The following GSN variants were observed in gnomAD, a reference collection of about 807,000 sequenced individuals.
GSN encodes gelsolin, also known as actin-depolymerizing factor.
A neutral mutation model predicts 85.7 loss-of-function variants in GSN; 56 were observed. That is an observed-to-expected ratio of 0.65 (90% confidence interval 0.53 to 0.82). GSN has a LOEUF of 0.82. Among genes scored for constraint, GSN ranks in the 40% least tolerant of loss-of-function variants. The pLI is 0.00. For synonymous variants in GSN, 373 were observed against 399.1 expected, an observed-to-expected ratio of 0.93 and a Z score of 0.78; for missense variants, 857 against 979.8, an observed-to-expected ratio of 0.87 and a Z score of 1.67.
At chr9:121,249,850 G>A (rs145419561) in intron 6 of GSN, among the ~76,000 whole-genome samples, 1 of 152,300 alleles carries the variant, frequency 6.6e-6, no homozygotes, top group Non-Finnish European at 1.5e-5. Flanking sequence ...AATGGCTGCT[G>A]CTTTCTTGAA....
intron 5 of GSN, among the ~76,000 whole-genome samples, chr9:121,232,645 T>C (rs1382076011): frequency 6.6e-6 from 1 of 152,248 alleles, no homozygotes; most frequent in Non-Finnish European, 1.5e-5. Context: ...AGATGTAATA[T>C]TGTACAGCAG....
rs551464968 is a variant in GSN, at chr9:121,215,339, T to A, written c.-528+4472T>A. On this transcript the variant is annotated intron_variant, in intron 4 of 24. Coordinates refer to the GSN transcript ENST00000373823. ...GGGGTTAGAATTTCAACATATCATT[T>A]TTTTTTCTTTTTGTGGGGCGACACA... 1.4e-4 allele frequency among the ~76,000 whole-genome samples: 21 copies of A among 152,182 alleles called. No homozygotes were observed. In the South Asian group the frequency reaches 4.1e-3, roughly 30 times the overall value.
Position 121,326,565 on chromosome 9 carries a change from G to A in GSN, c.1470G>A (p.Gly490=). Residue 490 remains glycine (G), a synonymous_variant, in exon 13 of 18, where the codon GGG becomes GGA. Transcript: ENST00000432226. Reference sequence around the variant, plus strand: ...CCCACCTCATGAGCCTGTTTGGTGGGAAGCCCATGATCATCTACAAGGGCG... The same window carrying A: ...CCCACCTCATGAGCCTGTTTGGTGGAAAGCCCATGATCATCTACAAGGGCG... ...EPAHLMSLFG[G]KPMIIYKGGT... is the part of the protein sequence containing the mutation. 5.0e-6 allele frequency: 8 copies of A among 1,613,896 alleles called. No individual in the cohort carries two copies. Among genetic ancestry groups the A allele is most frequent in the African/African-American group, 1.3e-5 (1 of 74,928 alleles).
chr9:121,312,581 A>G, intron 6 of GSN, 93 bp downstream of exon 6: 1 of 1,009,146 alleles, frequency 9.9e-7, no homozygotes, highest in Non-Finnish European at 1.4e-6. Flanking sequence ...ATTTGAGGAA[A>G]AAAAAAAACT....
chr9:121,299,741 C>T lies in GSN; in HGVS notation c.-9-2222C>T, dbSNP rs1588922111. ...GATGTCTCCAAGATCCGAGACAGAT[C>T]CCCGCCCCGCGCCCTCCCTGGGGGG... is the stretch of plus-strand genomic sequence containing the variant. On this transcript the variant is annotated intron_variant, in intron 2 of 17. Coordinates refer to ENST00000432226, the MANE Select transcript of GSN (RefSeq NM_198252.3). This position sits in a 1 kb window ranked among gnomAD's most constrained non-coding sequence, Gnocchi z 4.2. The T allele has an allele frequency of 9.0e-7, 1 of 1,105,698 alleles. No individual in the cohort carries two copies. Among genetic ancestry groups the T allele is most frequent in the Non-Finnish European group, 1.1e-6 (1 of 885,418 alleles). The allele number at this position is 1,105,698 out of a possible 1,614,324, so 68.5% of individuals were successfully genotyped here.
rs150365636 is a variant in GSN, at chr9:121,320,199, C to T, written c.1192-1069C>T. ...AGGATTCTGTTTCCCAGGACTTGGA[C>T]GACTCCGTGTCTCCATAGCTCCACC... On this transcript the variant is annotated intron_variant, in intron 10 of 17. Transcript: ENST00000432226. Among the ~76,000 whole-genome samples, 4 of 152,302 alleles carry T rather than the reference C, an allele frequency of 2.6e-5. No individual in the cohort carries two copies. The East Asian group carries it at 7.7e-4, about 29-fold the overall frequency.
At chr9:121,311,912 A>G in intron 5 of GSN, 1 of 210,410 alleles carries the variant, frequency 4.8e-6, no homozygotes, top group Non-Finnish European at 9.7e-6. Flanking sequence ...TACTCTGAAC[A>G]TTCTTGCACA....
intron 2 of GSN, among the ~76,000 whole-genome samples, chr9:121,290,036 G>C (rs1191021332): frequency 6.6e-6 from 1 of 152,042 alleles, no homozygotes; most frequent in Non-Finnish European, 1.5e-5. Flanking sequence ...GGTGAGAAGT[G>C]GGTATAAAGT....
intron 4 of GSN, among the ~76,000 whole-genome samples, chr9:121,223,949 G>A (rs555969175): frequency 7.2e-5 from 11 of 151,730 alleles, no homozygotes; most frequent in Non-Finnish European, 7.4e-5. Context: ...ATGACCAACC[G>A]TGCCCAGCCT....
rs1366088542 is a variant in GSN, at chr9:121,317,073, T to C, written c.754-13T>C. The C allele has an allele frequency of 1.2e-6, 2 of 1,614,014 alleles. No homozygotes were observed. The highest frequency in any genetic ancestry group is 1.7e-5 in the Admixed American group (1 of 60,008). On this transcript the variant is annotated splice_polypyrimidine_tract_variant and intron_variant, in intron 7 of 17. Transcript: ENST00000432226. ...ACACTCATGTGCTGGTTCCTTCTGC[T>C]TCGTCCCCTCAGGTCTCCAATGGTG...
At chr9:121,224,211 C>G (rs2054228528) in intron 4 of GSN, among the ~76,000 whole-genome samples, 1 of 152,070 alleles carries the variant, frequency 6.6e-6, no homozygotes, top group African/African-American at 2.4e-5. Flanking sequence ...ATTCTCCTGC[C>G]TCAGCCTCCC....
chr9:121,306,076 C>A (rs2060385313), intron 4 of GSN, among the ~76,000 whole-genome samples: 1 of 152,142 alleles, frequency 6.6e-6, no homozygotes, highest in Non-Finnish European at 1.5e-5. Flanking sequence ...TCCCTTGATT[C>A]CCCGCCCCTC....
At chr9:121,330,884 C>T (rs906125861) in intron 16 of GSN, among the ~76,000 whole-genome samples, 3 of 152,044 alleles carry the variant, frequency 2.0e-5, no homozygotes, top group Non-Finnish European at 2.9e-5. Context: ...ATTTGTTGAA[C>T]GAGTGAATGC....
chr9:121,218,268 C>T (rs546459656), intron 4 of GSN, among the ~76,000 whole-genome samples: 52 of 152,232 alleles, frequency 3.4e-4, no homozygotes, highest in African/African-American at 1.1e-3. Flanking sequence ...CAGGGAATTG[C>T]GATTTTGGGT....
chr9:121,303,030 T>C lies in GSN; in HGVS notation c.316T>C (p.Phe106Leu). Residue 106 changes from phenylalanine to leucine, a missense_variant, in exon 4 of 18, where the codon TTC (phenylalanine) becomes CTC (leucine). Physicochemically the swap from Phe to Leu is conservative, Grantham distance 22 (BLOSUM62 0). Transcript: ENST00000432226. ...REVQGFESAT[F>L]LGYFKSGLKY... ...GGTCCAGGGCTTCGAGTCGGCCACC[T>C]TCCTAGGCTACTTCAAGTCTGGCCT... The C allele has an allele frequency of 6.2e-7, 1 of 1,613,874 alleles. No individual in the cohort carries two copies. The highest frequency in any genetic ancestry group is 8.5e-7 in the Non-Finnish European group (1 of 1,180,010).
At chr9:121,262,582 A>C (rs2055110490) in intron 6 of GSN, among the ~76,000 whole-genome samples, 1 of 152,166 alleles carries the variant, frequency 6.6e-6, no homozygotes, top group Admixed American at 6.5e-5. Flanking sequence ...CTAACCTGGG[A>C]GGCTGGCTAG....
chr9:121,207,617 T>G (rs2132059723), upstream of GSN, among the ~76,000 whole-genome samples: 1 of 152,216 alleles, frequency 6.6e-6, no homozygotes, highest in South Asian at 2.1e-4. Context: ...GGGCAGGATT[T>G]TTTGTATTGT....
chr9:121,302,715 G>A (rs1259028274), intron 3 of GSN, among the ~76,000 whole-genome samples, 196 bp from the exon 4 acceptor site: 1 of 152,148 alleles, frequency 6.6e-6, no homozygotes, highest in Non-Finnish European at 1.5e-5. Flanking sequence ...GACAGAGCTG[G>A]GAGGACGCTT....
At chr9:121,330,594 G>A (rs984154025) in intron 16 of GSN, among the ~76,000 whole-genome samples, 1 of 152,180 alleles carries the variant, frequency 6.6e-6, no homozygotes, top group African/African-American at 2.4e-5. Context: ...TGAGAAAAAT[G>A]AAGTCTGACA....
Sources: gnomAD v4.1 joint callset for allele counts (sites outside exome capture counted in the v4.1 genomes callset) on GRCh38, gnomAD v4.1.1 for gene constraint, Gnocchi (gnomAD v3.1) non-coding constraint, MANE v1.5 for transcripts, NCBI Gene and HGNC (gene_info 2026-07-23, HGNC 2026-07-21) for gene names.